The following GPR26 variants were observed in gnomAD, a reference collection of about 807,000 sequenced individuals.
GPR26 encodes the protein G protein-coupled receptor 26.
In GPR26, 15 loss-of-function variants were observed where a neutral mutation model predicts 23.1. That is an observed-to-expected ratio of 0.65 (90% confidence interval 0.43 to 1.00). GPR26 has a LOEUF of 1.00. GPR26 is among the 50% of genes least tolerant of loss of function. The pLI is 0.00. For missense variants in GPR26, 359 were observed against 470.5 expected (o/e 0.76, Z 2.19); for synonymous variants, 228 against 222.1 (o/e 1.03, Z -0.24).
In GPR26 at chr10:123,674,105, C is replaced by G. The variant is rs1845280799; in HGVS notation, c.669-713C>G. Among the ~76,000 whole-genome samples the G allele has an allele frequency of 6.6e-6, 1 of 152,074 alleles. No homozygotes were observed. Among genetic ancestry groups the G allele is most frequent in the Non-Finnish European group, 1.5e-5 (1 of 68,002 alleles). ...CCCAAGTAGCTGGGATTACAGGAGC[C>G]CACCACCACGCATGGCTAATTTTTG... On this transcript the variant is annotated intron_variant, in intron 1 of 2. Transcript: ENST00000284674. This position sits in a 1 kb window ranked among gnomAD's most constrained non-coding sequence, Gnocchi z 4.1.
At chr10:123,682,327 C>G (rs1335751848) in intron 2 of GPR26, among the ~76,000 whole-genome samples, 1 of 152,192 alleles carries the variant, frequency 6.6e-6, no homozygotes, top group Non-Finnish European at 1.5e-5. Context: ...CAGTTGGCAT[C>G]TCAGAAAGAC....
chr10:123,670,602 G>C (rs1272793376), intron 1 of GPR26, among the ~76,000 whole-genome samples: 2 of 152,174 alleles, frequency 1.3e-5, no homozygotes, highest in Non-Finnish European at 2.9e-5. Flanking sequence ...ATATGTGCTG[G>C]GAGAGCCGAG....
At chr10:123,676,910 G>T (rs953271219) in intron 2 of GPR26, among the ~76,000 whole-genome samples, 19 of 152,182 alleles carry the variant, frequency 1.2e-4, no homozygotes, top group African/African-American at 3.4e-4. Flanking sequence ...GACATCTGTG[G>T]TCTTCACTCT....
Position 123,666,676 on chromosome 10 carries a change from C to T in GPR26, c.269C>T (p.Ala90Val). The change falls in exon 1 of 3, where the codon GCT becomes GTT. Residue 90 changes from alanine to valine, a missense_variant. By Grantham distance (64) the Ala-to-Val change is moderately conservative. Coordinates refer to ENST00000284674, the MANE Select transcript of GPR26 (RefSeq NM_153442.4). ...RLAAFLDTFLAANSMLSMAAL... is the reference protein window; with the variant it reads ...RLAAFLDTFLVANSMLSMAAL... ...GCTGCCTTCCTCGACACCTTCCTGG[C>T]TGCCAACTCCATGCTCAGCATGGCC... 4 of 1,599,650 alleles carry T rather than the reference C, an allele frequency of 2.5e-6. No individual in the cohort carries two copies. The highest frequency in any genetic ancestry group is 3.4e-6 in the Non-Finnish European group (4 of 1,178,212).
intron 2 of GPR26, among the ~76,000 whole-genome samples, chr10:123,682,606 T>G (rs908526830): frequency 1.3e-5 from 2 of 152,194 alleles, no homozygotes; most frequent in African/African-American, 4.8e-5. Context: ...AAAATCCACA[T>G]GTCTGGAAGC....
At chr10:123,683,243 G>A (rs1177896418) in intron 2 of GPR26, among the ~76,000 whole-genome samples, 1 of 152,218 alleles carries the variant, frequency 6.6e-6, no homozygotes, top group Non-Finnish European at 1.5e-5. Flanking sequence ...CATGGTCACC[G>A]GCACCCACCT....
rs1045405490 is a variant in GPR26, at chr10:123,694,579, G to A, written c.*6419G>A. 1 of 147,718 alleles carries A rather than the reference G, an allele frequency of 6.8e-6. No individual in the cohort carries two copies. The highest frequency in any genetic ancestry group is 1.5e-5 in the Non-Finnish European group (1 of 67,248). The allele number at this position is 147,718 out of a possible 1,614,324, so 9.2% of individuals were successfully genotyped here. On this transcript the variant is annotated 3_prime_UTR_variant, in exon 3 of 3. Coordinates refer to ENST00000284674, the MANE Select transcript of GPR26 (RefSeq NM_153442.4). ...AAGACAGAAAAGAAGGAAGAGAGAA[G>A]GAAGAATGGCAAAGGAAGGAAGAAG...
In GPR26 at chr10:123,674,797, T is replaced by C. The variant is rs1336440611; in HGVS notation, c.669-21T>C. The stretch of plus-strand genomic sequence containing the variant: ...AGCAAGGGTGCCTCGTAGTTCACCT[T>C]CTCTCCTCTCTCACATGCAGTGTGC... On this transcript the variant is annotated intron_variant, in intron 1 of 2. Coordinates refer to ENST00000284674, the MANE Select transcript of GPR26 (RefSeq NM_153442.4). The surrounding 1 kb of genome is among the most constrained non-coding windows in gnomAD (Gnocchi z 4.1). 1 of 1,557,436 alleles carries C rather than the reference T, an allele frequency of 6.4e-7. No homozygotes were observed. The highest frequency in any genetic ancestry group is 1.1e-5 in the South Asian group (1 of 89,634).
At chr10:123,682,123 C>A (rs1845384579) in intron 2 of GPR26, among the ~76,000 whole-genome samples, 1 of 152,168 alleles carries the variant, frequency 6.6e-6, no homozygotes, top group African/African-American at 2.4e-5. Flanking sequence ...CCAGTAGGGC[C>A]ACGCATAAGT....
At chr10:123,667,594 TG>T (rs1196895383) in intron 1 of GPR26, among the ~76,000 whole-genome samples, 12 of 147,122 alleles carry the variant, frequency 8.2e-5, no homozygotes, top group Non-Finnish European at 1.4e-4. Flanking sequence ...TGTGTGTGTG[TG>T]TGTGTGAATT....
chr10:123,674,109 C>T lies in GPR26; in HGVS notation c.669-709C>T, dbSNP rs187743717. On this transcript the variant is annotated intron_variant, in intron 1 of 2. Transcript: ENST00000284674. This position sits in a 1 kb window ranked among gnomAD's most constrained non-coding sequence, Gnocchi z 4.1. ...AGTAGCTGGGATTACAGGAGCCCAC[C>T]ACCACGCATGGCTAATTTTTGTATT... is the stretch of plus-strand genomic sequence containing the variant. Among the ~76,000 whole-genome samples the T allele has an allele frequency of 6.6e-6, 1 of 152,152 alleles. No homozygotes were observed. Among genetic ancestry groups the T allele is most frequent in the Non-Finnish European group, 1.5e-5 (1 of 68,026 alleles).
Position 123,695,186 on chromosome 10 carries a change from C to T in GPR26, c.*7026C>T, listed in dbSNP as rs529223524. On this transcript the variant is annotated 3_prime_UTR_variant, in exon 3 of 3. Coordinates refer to ENST00000284674, the MANE Select transcript of GPR26 (RefSeq NM_153442.4). ...GTCAAATTTGATGAGTCTAATCAAT[C>T]TTAGCAGTGTTCCAGTTCATCACGT... Among the ~76,000 whole-genome samples, 1 of 152,330 alleles carries T rather than the reference C, an allele frequency of 6.6e-6. No homozygotes were observed. The highest frequency in any genetic ancestry group is 2.1e-4 in the South Asian group (1 of 4,830).
chr10:123,675,204 T>C (rs1845290824), intron 2 of GPR26, among the ~76,000 whole-genome samples: 1 of 151,944 alleles, frequency 6.6e-6, no homozygotes, highest in African/African-American at 2.4e-5. Context: ...TATCCCAGGC[T>C]CCCAACCCCC....
chr10:123,680,830 G>C (rs1357265822), intron 2 of GPR26, among the ~76,000 whole-genome samples: 43 of 120,464 alleles, frequency 3.6e-4, no homozygotes, highest in African/African-American at 1.1e-3. Context: ...GTTTTTTTGG[G>C]GGGGGGGGTT....
chr10:123,674,070 G>A lies in GPR26; in HGVS notation c.669-748G>A, dbSNP rs1845280509. On this transcript the variant is annotated intron_variant, in intron 1 of 2. Coordinates refer to ENST00000284674, the MANE Select transcript of GPR26 (RefSeq NM_153442.4). This position sits in a 1 kb window ranked among gnomAD's most constrained non-coding sequence, Gnocchi z 4.1. ...CCTCCTGGGTTCAAGTGATTCTCCT[G>A]TCTCAGCCTCCCAAGTAGCTGGGAT... Among the ~76,000 whole-genome samples the A allele has an allele frequency of 6.6e-6, 1 of 152,110 alleles. No homozygotes were observed. Among genetic ancestry groups the A allele is most frequent in the African/African-American group, 2.4e-5 (1 of 41,428 alleles).
intron 2 of GPR26, among the ~76,000 whole-genome samples, chr10:123,676,875 A>C (rs1845316557): frequency 6.6e-6 from 1 of 152,170 alleles, no homozygotes; most frequent in Non-Finnish European, 1.5e-5. Context: ...GGGAACATGG[A>C]GACAGGCAGC....
Position 123,674,685 on chromosome 10 carries a change from T to A in GPR26, c.669-133T>A. ...CAAGGTCAATAGCTACAGCCAAGAG[T>A]TGACGCTGGGTCTTTCCGACTCCAT... On this transcript the variant is annotated intron_variant, in intron 1 of 2. Coordinates refer to ENST00000284674, the MANE Select transcript of GPR26 (RefSeq NM_153442.4). This position sits in a 1 kb window ranked among gnomAD's most constrained non-coding sequence, Gnocchi z 4.1. The A allele has an allele frequency of 1.7e-6, 1 of 585,432 alleles. No individual in the cohort carries two copies. The highest frequency in any genetic ancestry group is 3.1e-6 in the Non-Finnish European group (1 of 325,372). 36.3% of individuals were successfully genotyped at this position (585,432 alleles called of 1,614,324 possible).
chr10:123,683,747 A>T (rs897434915), intron 2 of GPR26, among the ~76,000 whole-genome samples: 19 of 152,192 alleles, frequency 1.2e-4, no homozygotes, highest in African/African-American at 3.4e-4. Context: ...GGCTCCATGG[A>T]ATAGTTCCCT....
intron 2 of GPR26, among the ~76,000 whole-genome samples, chr10:123,678,373 G>T (rs2133926640): frequency 6.6e-6 from 1 of 152,148 alleles, no homozygotes; most frequent in African/African-American, 2.4e-5. Context: ...CACTCTAAGA[G>T]GATGCTCAGA....
Sources: allele counts gnomAD v4.1 joint callset (sites outside exome capture counted in the v4.1 genomes callset), GRCh38; gene constraint gnomAD v4.1.1; non-coding constraint Gnocchi (gnomAD v3.1); transcripts MANE v1.5; gene names NCBI Gene and HGNC (gene_info 2026-07-23, HGNC 2026-07-21).